The following COPG2 variants were observed in gnomAD, a reference collection of about 807,000 sequenced individuals.
The protein encoded by COPG2 is coat protein complex I subunit gamma 2.
COPG2 carries 37 observed loss-of-function variants against 46.3 expected under a neutral mutation model. That is an observed-to-expected ratio of 0.80 (90% confidence interval 0.61 to 1.05). The LOEUF (loss-of-function observed/expected upper bound fraction) is 1.05. Among genes scored for constraint, COPG2 ranks in the 50% least tolerant of loss-of-function variants. The pLI is 0.00. For synonymous variants in COPG2, 159 were observed against 129.7 expected (o/e 1.23, Z -1.53); for missense variants, 427 against 387.8 (o/e 1.10, Z -0.85).
At chr7:130,552,006 T>C (rs1331946028) in intron 15 of COPG2, among the ~76,000 whole-genome samples, 2 of 152,138 alleles carry the variant, frequency 1.3e-5, no homozygotes, top group Admixed American at 1.3e-4. Context: ...CAAAATCAAA[T>C]GTGACATGTA....
intron 5 of COPG2, among the ~76,000 whole-genome samples, chr7:130,618,460 G>T (rs920486096): frequency 6.6e-6 from 1 of 152,014 alleles, no homozygotes; most frequent in African/African-American, 2.4e-5. Context: ...ACATATCTGG[G>T]TACTATCTGT....
chr7:130,595,025 A>G (rs1554449534), intron 9 of COPG2, among the ~76,000 whole-genome samples: 2 of 152,250 alleles, frequency 1.3e-5, no homozygotes, highest in African/African-American at 4.8e-5. Context: ...TGTACCCCAA[A>G]GAACTGAAAT....
At chr7:130,640,894 C>T (rs1398798637) in intron 5 of COPG2, among the ~76,000 whole-genome samples, 1 of 152,040 alleles carries the variant, frequency 6.6e-6, no homozygotes, top group Admixed American at 6.5e-5. Context: ...TCTAATAATA[C>T]AAAGCACTTT....
At chr7:130,614,525 C>A (rs1794913288) in intron 6 of COPG2, among the ~76,000 whole-genome samples, 1 of 152,202 alleles carries the variant, frequency 6.6e-6, no homozygotes, top group African/African-American at 2.4e-5. Flanking sequence ...CCTTCCTACT[C>A]AGAGTTCCCA....
chr7:130,587,663 C>A (rs1455025710), intron 9 of COPG2, among the ~76,000 whole-genome samples: 9 of 152,086 alleles, frequency 5.9e-5, no homozygotes, highest in African/African-American at 1.9e-4. Context: ...TAAAGACTTA[C>A]ATGTTAGACC....
At position 130,658,744 on chromosome 7, in the gene COPG2, G is replaced by C. The variant is rs1367766778; in HGVS notation, c.243+4223C>G. ...TACCTGGGCTGGAGTGCAGTGGCACGATCTCAGCTCACTGCAATCTCCCCC... is the reference window on the plus strand; with the variant it reads ...TACCTGGGCTGGAGTGCAGTGGCACCATCTCAGCTCACTGCAATCTCCCCC... On this transcript the variant is annotated intron_variant, in intron 4 of 23. Coordinates refer to ENST00000425248, the MANE Select transcript of COPG2 (RefSeq NM_012133.6). Among the ~76,000 whole-genome samples the C allele has an allele frequency of 8.6e-5, 13 of 151,538 alleles. 1 individual carries two copies. The highest frequency in any genetic ancestry group is 8.5e-4 in the Admixed American group (13 of 15,254).
chr7:130,558,292 T>A (rs1257200574), intron 12 of COPG2, among the ~76,000 whole-genome samples: 1 of 151,930 alleles, frequency 6.6e-6, no homozygotes. Context: ...GATAGTAAGT[T>A]CTTGTGAGAT....
chr7:130,583,973 T>C (rs566941950), intron 9 of COPG2, among the ~76,000 whole-genome samples: 7 of 151,874 alleles, frequency 4.6e-5, no homozygotes, highest in African/African-American at 1.2e-4. Context: ...GAAGCCAGTA[T>C]TGCCCTAATA....
intron 5 of COPG2, among the ~76,000 whole-genome samples, chr7:130,622,539 C>G (rs1180217292): frequency 6.8e-6 from 1 of 147,582 alleles, no homozygotes; most frequent in East Asian, 1.9e-4. Context: ...TCCATTAAGT[C>G]TAATCTATCA....
chr7:130,629,626 C>A (rs1554454860), intron 5 of COPG2, among the ~76,000 whole-genome samples: 1 of 151,968 alleles, frequency 6.6e-6, no homozygotes. Flanking sequence ...AAACTCCTGA[C>A]CTCAGGTGAT....
intron 9 of COPG2, among the ~76,000 whole-genome samples, chr7:130,603,086 T>C (rs1432412448): frequency 4.6e-5 from 7 of 152,174 alleles, no homozygotes; most frequent in Non-Finnish European, 1.0e-4. Context: ...AAAAATTATA[T>C]GGAAAAATAA....
Position 130,660,525 on chromosome 7 carries a change from T to C in COPG2, c.243+2442A>G, listed in dbSNP as rs532284203. 3.7e-4 allele frequency among the ~76,000 whole-genome samples: 56 copies of C among 152,280 alleles called. 3 individuals are homozygous for C. The South Asian group carries it at 0.011, about 31-fold the overall frequency. ...CTACAGGTGGGGAAGCTTATGCCTT[T>C]ATACTATGTCACCTGCTACCATTGC... On this transcript the variant is annotated intron_variant, in intron 4 of 23. Transcript: ENST00000425248.
intron 9 of COPG2, among the ~76,000 whole-genome samples, chr7:130,608,510 C>A (rs1219839300): frequency 5.9e-5 from 9 of 152,118 alleles, no homozygotes; most frequent in Admixed American, 2.6e-4. Flanking sequence ...CAAATCCTTT[C>A]GGGTTTTTGT....
At chr7:130,526,971 A>C (rs1799781088) in intron 20 of COPG2, among the ~76,000 whole-genome samples, 1 of 149,826 alleles carries the variant, frequency 6.7e-6, no homozygotes, top group Admixed American at 6.7e-5. Context: ...GGCAAACCAA[A>C]CTCTAGGCAT....
At chr7:130,569,619 A>G (rs1793860850) in intron 9 of COPG2, among the ~76,000 whole-genome samples, 1 of 152,216 alleles carries the variant, frequency 6.6e-6, no homozygotes, top group East Asian at 1.9e-4. Flanking sequence ...GCTGAATTAT[A>G]TCAGACATTC....
chr7:130,554,357 C>T lies in COPG2; in HGVS notation c.1468+124G>A, dbSNP rs977556925. ...TGAGTACAAAGAAAGATATCTGGGC[C>T]CTAAGCATGCTCTAAAATCCCACCA... On this transcript the variant is annotated intron_variant, in intron 14 of 23. Transcript: ENST00000425248. 2.3e-5 allele frequency: 9 copies of T among 395,432 alleles called. No homozygotes were observed. The Middle Eastern group carries it at 1.9e-3, about 83-fold the overall frequency. 24.5% of individuals were successfully genotyped at this position (395,432 alleles called of 1,614,324 possible). A position where few individuals can be genotyped will look rare whatever the true frequency, so the allele number is the denominator to read the frequency against.
chr7:130,514,287 A>T (rs1799657325), intron 20 of COPG2, among the ~76,000 whole-genome samples: 1 of 152,208 alleles, frequency 6.6e-6, no homozygotes, highest in Non-Finnish European at 1.5e-5. Context: ...AGAATGGATG[A>T]CTAATATTGG....
chr7:130,589,623 A>G (rs185425878), intron 9 of COPG2, among the ~76,000 whole-genome samples: 1 of 152,304 alleles, frequency 6.6e-6, no homozygotes, highest in East Asian at 1.9e-4. Context: ...ATTACCTTAC[A>G]AAGTATTTCT....
intron 5 of COPG2, among the ~76,000 whole-genome samples, chr7:130,619,466 T>A (rs1024150839): frequency 6.6e-6 from 1 of 152,142 alleles, no homozygotes; most frequent in Non-Finnish European, 1.5e-5. Flanking sequence ...AGCAAAAAAA[T>A]TAATGCACGT....
Sources: gnomAD v4.1 joint callset for allele counts (sites outside exome capture counted in the v4.1 genomes callset) on GRCh38, gnomAD v4.1.1 for gene constraint, MANE v1.5 for transcripts, NCBI Gene and HGNC (gene_info 2026-07-23, HGNC 2026-07-21) for gene names.